Variants in ST6GAL2 observed in about 807,000 individuals in gnomAD.
ST6GAL2 encodes beta-galactoside alpha-2,6-sialyltransferase 2.
A neutral mutation model predicts 37.5 loss-of-function variants in ST6GAL2; 24 were observed. That is an observed-to-expected ratio of 0.64 (90% CI 0.46 to 0.90). The LOEUF is 0.90. Ranked by LOEUF, ST6GAL2 falls within the 40% of genes least tolerant of loss-of-function variation. The probability of loss-of-function intolerance (pLI) is 0.00; values close to 1 mark genes in which losing one functional copy is unlikely to be tolerated. For synonymous variants in ST6GAL2, 306 were observed against 295.1 expected, an observed-to-expected ratio of 1.04 and a Z score of -0.38; for missense variants, 715 against 712.7, an observed-to-expected ratio of 1.00 and a Z score of -0.04.
At chr2:106,853,728 G>T (rs534841827) in intron 1 of ST6GAL2, among the ~76,000 whole-genome samples, 6 of 152,188 alleles carry the variant, frequency 3.9e-5, no homozygotes, top group Non-Finnish European at 8.8e-5. Flanking sequence ...TCAAGAGACA[G>T]GGCAGATGGG....
At chr2:106,886,438 A>C (rs1283842208), upstream of ST6GAL2, 2 of 151,976 alleles carry the variant, frequency 1.3e-5, no homozygotes, top group African/African-American at 4.8e-5. Flanking sequence ...CTCCGGGGCC[A>C]GCGCTGCTCC....
rs1186002391 is a variant in ST6GAL2, at chr2:106,804,875, TAGAA to T, written c.*1799_*1802del. The T allele has an allele frequency of 2.0e-5, 3 of 147,848 alleles. No homozygotes were observed. Among genetic ancestry groups the T allele is most frequent in the Non-Finnish European group, 4.5e-5 (3 of 66,864 alleles). The allele number at this position is 147,848 out of a possible 1,614,324, so 9.2% of individuals were successfully genotyped here. A position where few individuals can be genotyped will look rare whatever the true frequency, so the allele number is the denominator to read the frequency against. ...AAAAAAAAAAGAAAAGAAAAGAAAT[TAGAA>T]AGGAACATGGCTTAACCATGTCTAT... On this transcript the variant is annotated 3_prime_UTR_variant, in exon 6 of 6. Coordinates refer to ENST00000409382, the MANE Select transcript of ST6GAL2 (RefSeq NM_001142351.2).
chr2:106,879,809 A>G (rs1678669684), intron 1 of ST6GAL2, among the ~76,000 whole-genome samples: 1 of 147,822 alleles, frequency 6.8e-6, no homozygotes, highest in Admixed American at 6.8e-5. Flanking sequence ...TAGACAAATT[A>G]TATACTATTA....
At chr2:106,830,635 C>A (rs1057193547) in intron 4 of ST6GAL2, among the ~76,000 whole-genome samples, 2 of 152,164 alleles carry the variant, frequency 1.3e-5, no homozygotes, top group Non-Finnish European at 2.9e-5. Context: ...GTGCTGTGTT[C>A]TAAAAAAACA....
chr2:106,870,436 G>C (rs542550121), intron 1 of ST6GAL2, among the ~76,000 whole-genome samples: 5 of 152,082 alleles, frequency 3.3e-5, no homozygotes, highest in Non-Finnish European at 5.9e-5. Flanking sequence ...TTTATTACCA[G>C]TTTTCTAGGA....
At chr2:106,849,196 C>T (rs1430682505) in intron 1 of ST6GAL2, among the ~76,000 whole-genome samples, 1 of 152,146 alleles carries the variant, frequency 6.6e-6, no homozygotes, top group Non-Finnish European at 1.5e-5. Context: ...AAGGTTGACA[C>T]AGATGTAAAC....
At chr2:106,828,166 C>T (rs544611090) in intron 5 of ST6GAL2, among the ~76,000 whole-genome samples, 1 of 152,114 alleles carries the variant, frequency 6.6e-6, no homozygotes, top group African/African-American at 2.4e-5. Flanking sequence ...ATTTTTTAAA[C>T]CCCATGTTGA....
chr2:106,828,829 A>ACAC lies in ST6GAL2; in HGVS notation c.1318+1236_1318+1237insGTG, dbSNP rs1553418621. On this transcript the variant is annotated intron_variant, in intron 5 of 5. Transcript: ENST00000409382. Reference sequence around the variant, plus strand: ...AGGGTCTAGGATATTCCTTAATATTACCCACTCGGGTAATATCAAAGAAAC... The same window carrying ACAC: ...AGGGTCTAGGATATTCCTTAATATTACACCCCACTCGGGTAATATCAAAGAAAC... Among the ~76,000 whole-genome samples the ACAC allele has an allele frequency of 5.9e-5, 9 of 152,072 alleles. No homozygotes were observed. The East Asian group carries it at 1.2e-3, about 20-fold the overall frequency.
intron 1 of ST6GAL2, among the ~76,000 whole-genome samples, chr2:106,865,191 C>T (rs891373139): frequency 2.6e-5 from 4 of 152,094 alleles, no homozygotes; most frequent in South Asian, 2.1e-4. Context: ...GAAGTATTTG[C>T]CATCTTTGCT....
chr2:106,819,505 T>A (rs1234402865), intron 5 of ST6GAL2, among the ~76,000 whole-genome samples: 1 of 151,964 alleles, frequency 6.6e-6, no homozygotes, highest in Non-Finnish European at 1.5e-5. Flanking sequence ...GAATAGTATA[T>A]CCAGCAAAAA....
intron 1 of ST6GAL2, among the ~76,000 whole-genome samples, chr2:106,849,728 C>T (rs886470156): frequency 1.3e-5 from 2 of 152,162 alleles, no homozygotes; most frequent in Admixed American, 6.5e-5. Flanking sequence ...GGCGTCATCT[C>T]TATAACAAGA....
In ST6GAL2 at chr2:106,843,762, C is replaced by T. The variant is rs1320212742; in HGVS notation, c.216G>A (p.Gly72=). 2 of 1,610,002 alleles carry T rather than the reference C, an allele frequency of 1.2e-6. No homozygotes were observed. The highest frequency in any genetic ancestry group is 8.5e-7 in the Non-Finnish European group (1 of 1,177,978). The part of the protein sequence containing the change: ...MGAAHEPSPP[G]GLDARQALPR... ...GCAGCGCCTGGCGTGCGTCCAGGCC[C>T]CCAGGCGGGGAGGGCTCATGTGCGG... The change falls in exon 2 of 6, where the codon GGG becomes GGA. Residue 72 remains glycine (G), a synonymous_variant. Coordinates refer to ENST00000409382, the MANE Select transcript of ST6GAL2 (RefSeq NM_001142351.2).
chr2:106,825,256 G>A (rs184914943), intron 5 of ST6GAL2, among the ~76,000 whole-genome samples: 9 of 152,272 alleles, frequency 5.9e-5, no homozygotes, highest in East Asian at 5.8e-4. Context: ...CAGATCCCCC[G>A]TTCTCTGGAA....
At chr2:106,826,141 G>A (rs867210654) in intron 5 of ST6GAL2, among the ~76,000 whole-genome samples, 1 of 152,198 alleles carries the variant, frequency 6.6e-6, no homozygotes, top group Non-Finnish European at 1.5e-5. Context: ...GTGTTAGCCT[G>A]TTAAATGTAT....
intron 4 of ST6GAL2, 63 bp from the exon 5 acceptor site, chr2:106,830,303 A>G (rs1282733288): frequency 2.8e-6 from 4 of 1,447,828 alleles, no homozygotes; most frequent in African/African-American, 2.8e-5. Context: ...GAGACAGGGC[A>G]TGGCTGGTTG....
At chr2:106,816,234 T>G (rs1168054189) in intron 5 of ST6GAL2, among the ~76,000 whole-genome samples, 2 of 152,114 alleles carry the variant, frequency 1.3e-5, no homozygotes, top group Non-Finnish European at 2.9e-5. Context: ...TTCCTTAAGG[T>G]TTGGTGAAAG....
intron 1 of ST6GAL2, among the ~76,000 whole-genome samples, chr2:106,850,285 C>G (rs1295672865): frequency 1.3e-5 from 2 of 152,122 alleles, no homozygotes; most frequent in East Asian, 3.9e-4. Context: ...TGCCAGGACC[C>G]TGTGGCAGAG....
intron 5 of ST6GAL2, among the ~76,000 whole-genome samples, chr2:106,817,102 G>A (rs1675832029): frequency 6.6e-6 from 1 of 152,242 alleles, no homozygotes; most frequent in Admixed American, 6.5e-5. Flanking sequence ...AGGGGCTAAA[G>A]TGCTCCTGTG....
At chr2:106,878,862 CAG>C (rs1265274525) in intron 1 of ST6GAL2, among the ~76,000 whole-genome samples, 1 of 152,132 alleles carries the variant, frequency 6.6e-6, no homozygotes, top group Non-Finnish European at 1.5e-5. Flanking sequence ...ATTTTCAACA[CAG>C]TGTGGTAAGA....
Sources: gnomAD v4.1 joint callset for allele counts (sites outside exome capture counted in the v4.1 genomes callset) on GRCh38, gnomAD v4.1.1 for gene constraint, MANE v1.5 for transcripts, NCBI Gene and HGNC (gene_info 2026-07-23, HGNC 2026-07-21) for gene names.